EIF2B1: variants seen among roughly 807,000 people sequenced by gnomAD.
EIF2B1 encodes the protein eukaryotic translation initiation factor 2B subunit alpha.
A neutral mutation model predicts 36.8 loss-of-function variants in EIF2B1; 30 were observed. The ratio of observed to expected loss-of-function variants is 0.81; its 90% CI spans 0.61 to 1.10. The LOEUF is 1.10. Ranked by LOEUF, EIF2B1 falls within the 50% of genes least tolerant of loss-of-function variation. EIF2B1 has a pLI of 0.00. For synonymous variants in EIF2B1, 139 were observed against 142.2 expected (o/e 0.98, Z 0.16); for missense variants, 271 against 374.8 (o/e 0.72, Z 2.29).
Position 123,622,664 on chromosome 12 carries a change from T to C in EIF2B1, c.725A>G (p.Asn242Ser), listed in dbSNP as rs752854000. 3 of 1,614,164 alleles carry C rather than the reference T, an allele frequency of 1.9e-6. No individual in the cohort carries two copies. In the South Asian group the frequency reaches 3.3e-5, roughly 18 times the overall value. ...AAACTTATCTGGGACGTCTTGCTGG[T>C]TTAGTGGAAAGAGCCGGACAAACTT... ...SFKFVRLFPLNQQDVPDKFKY... is the reference protein window; with the variant it reads ...SFKFVRLFPLSQQDVPDKFKY... The change falls in exon 8 of 9, where the codon AAC becomes AGC. Residue 242 changes from asparagine to serine, a missense_variant. Transcript: ENST00000424014.
intron 2 of EIF2B1, among the ~76,000 whole-genome samples, chr12:123,632,090 T>A (rs1202107351): frequency 6.6e-6 from 1 of 151,314 alleles, no homozygotes; most frequent in Non-Finnish European, 1.5e-5. Context: ...GGTAACATGG[T>A]GAAACCCTGT....
chr12:123,627,867 T>C (rs1434930952), intron 4 of EIF2B1, among the ~76,000 whole-genome samples: 1 of 151,984 alleles, frequency 6.6e-6, no homozygotes, highest in Admixed American at 6.6e-5. Context: ...AAGAAAAGGC[T>C]AAGGAGGGCC....
At chr12:123,624,753 T>G (rs1269401428) in intron 7 of EIF2B1, 34 bp downstream of exon 7, 19 of 1,597,244 alleles carry the variant, frequency 1.2e-5, no homozygotes, top group Non-Finnish European at 1.5e-5. Context: ...CTCCAAGTCT[T>G]GAGCAGGGAA....
chr12:123,622,327 GACTTGCCTCA>G, intron 8 of EIF2B1, among the ~76,000 whole-genome samples: 1 of 152,312 alleles, frequency 6.6e-6, no homozygotes, highest in Admixed American at 6.5e-5. Context: ...GAAATGAAAG[GACTTGCCTCA>G]ACTCGCACAG....
intron 5 of EIF2B1, 163 bp downstream of exon 5, chr12:123,626,881 T>G: frequency 1.4e-6 from 1 of 738,066 alleles, no homozygotes; most frequent in Non-Finnish European, 2.4e-6. Context: ...CTGCTGCAAA[T>G]TCAGTGATTT....
At chr12:123,624,079 T>C (rs1477887795) in intron 7 of EIF2B1, among the ~76,000 whole-genome samples, 1 of 148,862 alleles carries the variant, frequency 6.7e-6, no homozygotes, top group Non-Finnish European at 1.5e-5. Context: ...ACACGTATTT[T>C]ATACATACAT....
intron 8 of EIF2B1, among the ~76,000 whole-genome samples, chr12:123,622,249 T>C (rs1288167084): frequency 6.6e-6 from 1 of 152,194 alleles, no homozygotes; most frequent in East Asian, 1.9e-4. Flanking sequence ...AAGATTATCT[T>C]AGAATCCTCA....
intron 4 of EIF2B1, among the ~76,000 whole-genome samples, chr12:123,627,539 C>A (rs1477241025): frequency 2.0e-5 from 3 of 152,192 alleles, no homozygotes; most frequent in African/African-American, 4.8e-5. Context: ...TGGGTGGGGC[C>A]AGCAGCAAAG....
At chr12:123,633,465 C>G in intron 1 of EIF2B1, 80 bp downstream of exon 1, 2 of 1,595,218 alleles carry the variant, frequency 1.3e-6, no homozygotes, top group East Asian at 2.2e-5. Context: ...TCTTCGGGAG[C>G]TCAGCCTGGA....
At chr12:123,626,622 C>T (rs1955150933) in intron 5 of EIF2B1, 129 bp from the exon 6 acceptor site, 1 of 1,076,180 alleles carries the variant, frequency 9.3e-7, no homozygotes, top group African/African-American at 1.6e-5. Flanking sequence ...GGGGCAGATC[C>T]CAATACTTTG....
rs752937669 is a variant in EIF2B1 at position 123,627,162 on chromosome 12, G to A, written c.370-6C>T. On this transcript the variant is annotated splice_region_variant and splice_polypyrimidine_tract_variant and intron_variant, in intron 4 of 8. Coordinates refer to ENST00000424014, the MANE Select transcript of EIF2B1 (RefSeq NM_001414.4). ...TAGGCGTGAGTCAATATTGTCTGTG[G>A]ACCGAGAAAGCTTTGTCAAAGGGGC... The A allele has an allele frequency of 8.4e-5, 136 of 1,612,316 alleles. No homozygotes were observed. Among genetic ancestry groups the A allele is most frequent in the Non-Finnish European group, 7.6e-6 (9 of 1,178,964 alleles).
intron 4 of EIF2B1, among the ~76,000 whole-genome samples, chr12:123,628,555 A>T (rs1040202990): frequency 2.6e-5 from 4 of 151,588 alleles, no homozygotes; most frequent in African/African-American, 9.7e-5. Flanking sequence ...GTAGAGATGA[A>T]GTTTTGCCAT....
Position 123,632,341 on chromosome 12 carries a change from A to G in EIF2B1, c.115+4T>C, listed in dbSNP as rs1955200015. 1.9e-6 allele frequency: 3 copies of G among 1,593,200 alleles called. No individual in the cohort carries two copies. In the South Asian group the frequency reaches 3.3e-5, roughly 18 times the overall value. On this transcript the variant is annotated splice_donor_region_variant and intron_variant, in intron 2 of 8. Coordinates refer to ENST00000424014, the MANE Select transcript of EIF2B1 (RefSeq NM_001414.4). ...AGAGTGTTAACAGATGACTCTCTATATACCTTTATCTCTCTTCAAGAACTC... is the reference window on the plus strand; with the variant it reads ...AGAGTGTTAACAGATGACTCTCTATGTACCTTTATCTCTCTTCAAGAACTC...
rs1555284588 is a variant in EIF2B1 at position 123,620,580 on chromosome 12, T to TATATA, written c.*1175_*1176insTATAT. 2 of 65,362 alleles carry TATATA rather than the reference T, an allele frequency of 3.1e-5. No individual in the cohort carries two copies. Among genetic ancestry groups the TATATA allele is most frequent in the Non-Finnish European group, 5.6e-5 (2 of 35,928 alleles). 4.0% of individuals were successfully genotyped at this position (65,362 alleles called of 1,614,324 possible). ...GGTCACATATAGACATATGTACATA[T>TATATA]TATATATATATATATATATATATAT... On this transcript the variant is annotated 3_prime_UTR_variant, in exon 9 of 9. Transcript: ENST00000424014.
chr12:123,621,677 T>C lies in EIF2B1; in HGVS notation c.*79A>G. The C allele has an allele frequency of 6.3e-7, 1 of 1,592,958 alleles. No homozygotes were observed. Among genetic ancestry groups the C allele is most frequent in the Non-Finnish European group, 8.6e-7 (1 of 1,163,672 alleles). ...CATTAAACACATCTCAGTTTTGGCC[T>C]GACTCACTGGGGTGTCAAGCAGCTA... is the stretch of plus-strand genomic sequence containing the variant. On this transcript the variant is annotated 3_prime_UTR_variant, in exon 9 of 9. Coordinates refer to ENST00000424014, the MANE Select transcript of EIF2B1 (RefSeq NM_001414.4).
At chr12:123,624,965 C>G in intron 6 of EIF2B1, 103 bp from the exon 7 acceptor site, 1 of 1,047,768 alleles carries the variant, frequency 9.5e-7, no homozygotes, top group South Asian at 1.3e-5. Flanking sequence ...GTAAGTTCCT[C>G]CCATAACTAC....
At chr12:123,631,584 G>A (rs560773804) in intron 2 of EIF2B1, among the ~76,000 whole-genome samples, 2 of 151,568 alleles carry the variant, frequency 1.3e-5, no homozygotes, top group Non-Finnish European at 2.9e-5. Flanking sequence ...CGACATGGGC[G>A]GATCACGAGG....
chr12:123,633,451 A>C, intron 1 of EIF2B1, 94 bp downstream of exon 1: 4 of 1,568,596 alleles, frequency 2.6e-6, no homozygotes, highest in Non-Finnish European at 2.6e-6. Context: ...ATTCAAAAGA[A>C]ATCTCTTCGG....
intron 1 of EIF2B1, 93 bp from the exon 2 acceptor site, chr12:123,632,539 C>T: frequency 1.1e-6 from 1 of 884,460 alleles, no homozygotes; most frequent in Non-Finnish European, 1.9e-6. Flanking sequence ...AAGAAGCAAA[C>T]AATTTAAAAA....
Sources: gnomAD v4.1 joint callset for allele counts (sites outside exome capture counted in the v4.1 genomes callset) on GRCh38, gnomAD v4.1.1 for gene constraint, MANE v1.5 for transcripts, NCBI Gene and HGNC (gene_info 2026-07-23, HGNC 2026-07-21) for gene names.